ARHGEF7: variants seen among roughly 807,000 people sequenced by gnomAD.
ARHGEF7 encodes the protein Rho guanine nucleotide exchange factor 7, also known as PAK-interacting exchange factor beta.
Under a neutral mutation model 109.8 loss-of-function variants are expected in ARHGEF7, and 33 were observed. The ratio of observed to expected loss-of-function variants is 0.30; its 90% CI spans 0.23 to 0.40. ARHGEF7 has a LOEUF of 0.40. Ranked by LOEUF, ARHGEF7 falls within the 10% of genes least tolerant of loss-of-function variation. The pLI is 1.00. For synonymous variants in ARHGEF7, 458 were observed against 424.6 expected (o/e 1.08, Z -0.97); for missense variants, 938 against 1,098.5 (o/e 0.85, Z 2.07).
intron 19 of ARHGEF7, chr13:111,294,548 C>G (rs2093382741): frequency 1.0e-6 from 1 of 985,344 alleles, no homozygotes; most frequent in Non-Finnish European, 1.2e-6. Flanking sequence ...ATGCTAAGAT[C>G]ACTGCAGAAG....
chr13:111,182,134 C>T (rs1037938071), intron 2 of ARHGEF7: 2 of 152,062 alleles, frequency 1.3e-5, no homozygotes, highest in Non-Finnish European at 2.9e-5. Flanking sequence ...GTGAGAACAC[C>T]GCCGTTCTGG....
chr13:111,267,866 A>G (rs1029112241), intron 9 of ARHGEF7, among the ~76,000 whole-genome samples, 196 bp downstream of exon 9: 1 of 152,220 alleles, frequency 6.6e-6, no homozygotes, highest in Non-Finnish European at 1.5e-5. Flanking sequence ...TAAAAAGACA[A>G]ATCTTTTCAA....
At chr13:111,246,085 G>T (rs186367029) in intron 8 of ARHGEF7, among the ~76,000 whole-genome samples, 2 of 152,208 alleles carry the variant, frequency 1.3e-5, no homozygotes, top group East Asian at 1.9e-4. Flanking sequence ...GTTTTTTTCT[G>T]TGTGACTATT....
At chr13:111,242,032 C>T (rs1016233110) in intron 6 of ARHGEF7, among the ~76,000 whole-genome samples, 4 of 152,134 alleles carry the variant, frequency 2.6e-5, no homozygotes, top group Admixed American at 1.3e-4. Flanking sequence ...CTCACCAGAC[C>T]TTTGACATTT....
intron 1 of ARHGEF7, among the ~76,000 whole-genome samples, chr13:111,121,911 T>A (rs1276411787): frequency 1.3e-5 from 2 of 152,236 alleles, no homozygotes; most frequent in African/African-American, 4.8e-5. Context: ...AATGAGTAGA[T>A]GTGCTGGGCA....
chr13:111,136,945 C>A (rs978885133), intron 1 of ARHGEF7, among the ~76,000 whole-genome samples: 4 of 152,188 alleles, frequency 2.6e-5, no homozygotes, highest in African/African-American at 9.7e-5. Flanking sequence ...TGCAAACTAC[C>A]ATCAGAGAAT....
intron 1 of ARHGEF7, among the ~76,000 whole-genome samples, chr13:111,119,365 A>G (rs545153462): frequency 4.6e-5 from 7 of 152,356 alleles, no homozygotes; most frequent in African/African-American, 7.2e-5. Context: ...GGTTGTTTCT[A>G]CATTTGAACC....
chr13:111,163,169 T>TA (rs1352675585), intron 2 of ARHGEF7, among the ~76,000 whole-genome samples: 3 of 152,242 alleles, frequency 2.0e-5, no homozygotes, highest in Admixed American at 2.0e-4. Context: ...GGAAGTTAAG[T>TA]AAAAATATTG....
Position 111,117,050 on chromosome 13 carries a change from T to A in ARHGEF7, c.165+1359T>A, listed in dbSNP as rs568475609. Among the ~76,000 whole-genome samples the A allele has an allele frequency of 1.1e-4, 16 of 152,288 alleles. No homozygotes were observed. The East Asian group carries it at 2.5e-3, about 24-fold the overall frequency. Reference sequence around the variant, plus strand: ...CAAGGCATTCAAAATACTTTGCTGTTTGGATACTGGTACCTCTGGTAATGA... The same window carrying A: ...CAAGGCATTCAAAATACTTTGCTGTATGGATACTGGTACCTCTGGTAATGA... On this transcript the variant is annotated intron_variant, in intron 1 of 21. Coordinates refer to ENST00000646102, the MANE Select transcript of ARHGEF7 (RefSeq NM_001354046.2).
Position 111,266,498 on chromosome 13 carries a change from A to T in ARHGEF7, c.951-1050A>T, listed in dbSNP as rs986507468. ...TTCTGTATCATGAACTTTTATTCTG[A>T]TGTGGAATGACTATCATATTTCCTT... On this transcript the variant is annotated intron_variant, in intron 8 of 21. Transcript: ENST00000646102. This position sits in a 1 kb window ranked among gnomAD's most constrained non-coding sequence, Gnocchi z 4.8. Among the ~76,000 whole-genome samples the T allele has an allele frequency of 1.3e-5, 2 of 151,888 alleles. No individual in the cohort carries two copies. The highest frequency in any genetic ancestry group is 2.9e-5 in the Non-Finnish European group (2 of 67,966).
rs2074928040 is a variant in ARHGEF7, at chr13:111,133,787, A to G, written c.165+18096A>G. Among the ~76,000 whole-genome samples the G allele has an allele frequency of 6.9e-5, 7 of 102,178 alleles. 2 individuals are homozygous for G. The highest frequency in any genetic ancestry group is 2.0e-4 in the African/African-American group (5 of 24,584). 67.0% of individuals were successfully genotyped at this position (102,178 alleles called of 152,430 possible). A position where few individuals can be genotyped will look rare whatever the true frequency, so the allele number is the denominator to read the frequency against. ...TTTATATATATATATATATATATAT[A>G]TATATATATATATATATATATATAT... On this transcript the variant is annotated intron_variant, in intron 1 of 21. Coordinates refer to ENST00000646102, the MANE Select transcript of ARHGEF7 (RefSeq NM_001354046.2).
intron 2 of ARHGEF7, among the ~76,000 whole-genome samples, chr13:111,155,943 G>A (rs1029109961): frequency 3.3e-5 from 5 of 151,932 alleles, no homozygotes; most frequent in Admixed American, 3.3e-4. Flanking sequence ...AAATTAGCCC[G>A]GCGTGGTGGC....
intron 8 of ARHGEF7, among the ~76,000 whole-genome samples, chr13:111,263,247 C>T (rs1469604933): frequency 1.3e-5 from 2 of 152,156 alleles, no homozygotes; most frequent in African/African-American, 4.8e-5. Flanking sequence ...AGCCATGAAA[C>T]TTTGGTGATG....
At chr13:111,302,190 T>A (rs960250609) in intron 21 of ARHGEF7, among the ~76,000 whole-genome samples, 4 of 152,204 alleles carry the variant, frequency 2.6e-5, no homozygotes, top group Non-Finnish European at 5.9e-5. Flanking sequence ...AAGTGGCGAC[T>A]AACCAAGGGT....
intron 8 of ARHGEF7, among the ~76,000 whole-genome samples, chr13:111,257,947 G>T (rs1457453608): frequency 6.6e-6 from 1 of 152,238 alleles, no homozygotes; most frequent in African/African-American, 2.4e-5. Context: ...GCCACTGTGG[G>T]CTAAAATGAC....
intron 19 of ARHGEF7, among the ~76,000 whole-genome samples, chr13:111,300,412 G>A (rs2093537736): frequency 6.6e-6 from 1 of 152,110 alleles, no homozygotes; most frequent in African/African-American, 2.4e-5. Flanking sequence ...TGGAATAATG[G>A]CTCAAAATGG....
chr13:111,147,391 G>C (rs1048706727), intron 1 of ARHGEF7, among the ~76,000 whole-genome samples: 1 of 152,116 alleles, frequency 6.6e-6, no homozygotes, highest in Non-Finnish European at 1.5e-5. Context: ...ATTCTGGTGG[G>C]GTGCAGTGTT....
chr13:111,115,729 T>TCCGGC, intron 1 of ARHGEF7, 38 bp downstream of exon 1: 1 of 1,086,778 alleles, frequency 9.2e-7, no homozygotes, highest in Non-Finnish European at 1.1e-6. Flanking sequence ...CGCCCCCCGG[T>TCCGGC]CCGGCCCGCT....
intron 2 of ARHGEF7, among the ~76,000 whole-genome samples, chr13:111,181,077 T>C (rs778016492): frequency 9.9e-5 from 15 of 152,238 alleles, no homozygotes; most frequent in Non-Finnish European, 1.8e-4. Flanking sequence ...CCTGTCCCTG[T>C]TGTATTTGCT....
Sources: gnomAD v4.1 joint callset for allele counts (sites outside exome capture counted in the v4.1 genomes callset) on GRCh38, gnomAD v4.1.1 for gene constraint, Gnocchi (gnomAD v3.1) non-coding constraint, MANE v1.5 for transcripts, NCBI Gene and HGNC (gene_info 2026-07-23, HGNC 2026-07-21) for gene names.